FGF13: variants seen among roughly 807,000 people sequenced by gnomAD.
FGF13 encodes the protein fibroblast growth factor 13, also known as fibroblast growth factor homologous factor 2.
In FGF13, 2 loss-of-function variants were observed where a neutral mutation model predicts 19.5. The observed-to-expected ratio is 0.10, with a 90% CI of 0.04 to 0.32. FGF13 has a LOEUF of 0.32. Among genes scored for constraint, FGF13 ranks in the 10% least tolerant of loss-of-function variants. The pLI is 1.00. For synonymous variants in FGF13, 72 were observed against 76.9 expected (o/e 0.94, Z 0.33); for missense variants, 113 against 192.7 (o/e 0.59, Z 2.45).
At chrX:138,710,671 G>T in intron 1 of FGF13, 146 bp downstream of exon 1, 1 of 1,010,636 alleles carries the variant, frequency 9.9e-7, no homozygotes, top group Non-Finnish European at 1.3e-6. Flanking sequence ...GAAAGCCAGC[G>T]CCTTCCCACG....
rs188436227 is a variant in FGF13 at position 138,784,758 on chromosome X, C to A, written c.217+72754G>T. The stretch of plus-strand genomic sequence containing the variant: ...ATGTATTCAAGTCTCTCTATCCAGA[C>A]CTTATATTTGATAATCCATTATATT... On this transcript the variant is annotated intron_variant, in intron 3 of 6. Coordinates refer to the FGF13 transcript ENST00000436198. Among the ~76,000 whole-genome samples, 786 of 111,677 alleles carry A rather than the reference C, an allele frequency of 7.0e-3. 27 individuals carry two copies. The highest frequency in any genetic ancestry group is 0.069 in the Admixed American group (716 of 10,433).
At chrX:138,645,229 C>T (rs369717368) in intron 3 of FGF13, among the ~76,000 whole-genome samples, 2 of 112,313 alleles carry the variant, frequency 1.8e-5, no homozygotes, top group South Asian at 7.5e-4. Context: ...TTCCTCCCAC[C>T]TCACAGGTGA....
At chrX:138,831,149 G>A (rs1462720622) in intron 3 of FGF13, among the ~76,000 whole-genome samples, 1 of 111,813 alleles carries the variant, frequency 8.9e-6, no homozygotes, top group Non-Finnish European at 1.9e-5. Flanking sequence ...TAATTGTTCA[G>A]GTGTGTGGAA....
intron 1 of FGF13, among the ~76,000 whole-genome samples, chrX:139,095,762 GT>G (rs1008767950): frequency 9.0e-6 from 1 of 111,705 alleles, no homozygotes; most frequent in Non-Finnish European, 1.9e-5. Flanking sequence ...CTGCATCTTT[GT>G]TCTCCCTTAG....
intron 1 of FGF13, among the ~76,000 whole-genome samples, chrX:139,091,799 G>A (rs773463068): frequency 9.0e-6 from 1 of 111,135 alleles, no homozygotes; most frequent in East Asian, 2.9e-4. Flanking sequence ...AAGGGGTCTA[G>A]TTCTGCTGGA....
intron 1 of FGF13, among the ~76,000 whole-genome samples, chrX:138,888,693 GA>G (rs1450872663): frequency 2.0e-4 from 20 of 98,630 alleles, no homozygotes; most frequent in African/African-American, 6.8e-4. Context: ...ATAGGACCAA[GA>G]AAAAGAAAAA....
At chrX:138,846,117 C>T (rs762053196) in intron 3 of FGF13, among the ~76,000 whole-genome samples, 15 of 109,785 alleles carry the variant, frequency 1.4e-4, no homozygotes, top group African/African-American at 4.6e-4. Context: ...ACCATGTGAG[C>T]TGTACTATTC....
chrX:138,726,506 T>C (rs2090186837), intron 1 of FGF13, among the ~76,000 whole-genome samples: 1 of 112,628 alleles, frequency 8.9e-6, no homozygotes, highest in Admixed American at 9.4e-5. Flanking sequence ...GCTTCGCATG[T>C]AGTACAGACT....
At chrX:138,897,008 C>T (rs2091507723) in intron 1 of FGF13, among the ~76,000 whole-genome samples, 1 of 111,730 alleles carries the variant, frequency 9.0e-6, no homozygotes, top group African/African-American at 3.3e-5. Context: ...ACTTCAGAGG[C>T]AAGACAGAAA....
intron 1 of FGF13, among the ~76,000 whole-genome samples, chrX:138,983,103 C>T (rs1345944607): frequency 9.1e-6 from 1 of 110,478 alleles, no homozygotes; most frequent in African/African-American, 3.3e-5. Flanking sequence ...TGTACAGATG[C>T]TTTTTACTTC....
chrX:138,975,871 G>A (rs1465755997), intron 1 of FGF13, among the ~76,000 whole-genome samples: 1 of 111,585 alleles, frequency 9.0e-6, no homozygotes, highest in Admixed American at 9.5e-5. Context: ...GTTTTAGGAA[G>A]CCTAAGCTGG....
intron 1 of FGF13, among the ~76,000 whole-genome samples, chrX:139,019,830 A>G (rs2124382288): frequency 9.0e-6 from 1 of 110,863 alleles, no homozygotes; most frequent in South Asian, 3.9e-4. Flanking sequence ...AACAGTAACT[A>G]TAATGCTGGA....
chrX:138,660,127 A>C (rs1019413347), intron 3 of FGF13, among the ~76,000 whole-genome samples: 12 of 112,142 alleles, frequency 1.1e-4, no homozygotes, highest in African/African-American at 3.9e-4. Flanking sequence ...ATGGTCTTAT[A>C]AGCTATGTAC....
chrX:139,202,413 G>A (rs753000451), intron 1 of FGF13, among the ~76,000 whole-genome samples: 5 of 111,744 alleles, frequency 4.5e-5, no homozygotes, highest in African/African-American at 1.6e-4. Flanking sequence ...ATAAATGCCT[G>A]TTTGAGACTC....
intron 1 of FGF13, among the ~76,000 whole-genome samples, chrX:139,027,758 T>C (rs1179686106): frequency 4.5e-5 from 5 of 110,885 alleles, no homozygotes; most frequent in African/African-American, 1.6e-4. Context: ...CTCTTTAATG[T>C]CACTGCAAAT....
chrX:138,848,723 C>T (rs1456643686), intron 3 of FGF13, among the ~76,000 whole-genome samples: 3 of 111,482 alleles, frequency 2.7e-5, no homozygotes, highest in Non-Finnish European at 5.7e-5. Flanking sequence ...TGATGTTGAG[C>T]TCAGGCGTCA....
chrX:138,830,730 T>TGTGTGTGTGTG (rs1569406299), intron 3 of FGF13, among the ~76,000 whole-genome samples: 9 of 99,030 alleles, frequency 9.1e-5, no homozygotes, highest in African/African-American at 1.5e-4. Flanking sequence ...TGTGTGTGTG[T>TGTGTGTGTGTG]TTTAAGCTAT....
intron 1 of FGF13, among the ~76,000 whole-genome samples, chrX:139,166,275 C>T (rs980800537): frequency 5.4e-5 from 6 of 111,401 alleles, no homozygotes; most frequent in African/African-American, 2.0e-4. Context: ...TTCACAGGAT[C>T]TGATTGTTTT....
chrX:138,657,227 T>C lies in FGF13; in HGVS notation c.403-21572A>G, dbSNP rs747420690. Among the ~76,000 whole-genome samples, 3 of 112,426 alleles carry C rather than the reference T, an allele frequency of 2.7e-5. 1 individual carries two copies. The South Asian group carries it at 1.1e-3, about 42-fold the overall frequency. ...ATGGGCAGGGTAATGTACTAGGTTC[T>C]TGGAAATGAATGAAAATATTTAGTT... On this transcript the variant is annotated intron_variant, in intron 3 of 4. Transcript: ENST00000315930.
Sources: allele counts gnomAD v4.1 joint callset (sites outside exome capture counted in the v4.1 genomes callset), GRCh38; gene constraint gnomAD v4.1.1; transcripts MANE v1.5; gene names NCBI Gene and HGNC (gene_info 2026-07-23, HGNC 2026-07-21).